Variants in TENM2 observed in about 807,000 individuals in gnomAD.
TENM2 encodes teneurin transmembrane protein 2.
TENM2 carries 52 observed loss-of-function variants against 245.2 expected under a neutral mutation model. The observed-to-expected ratio is 0.21, with a 90% CI of 0.17 to 0.27. The LOEUF (loss-of-function observed/expected upper bound fraction) is 0.27. Ranked by LOEUF, TENM2 falls within the 10% of genes least tolerant of loss-of-function variation. TENM2 has a pLI of 1.00. For synonymous variants in TENM2, 1,363 were observed against 1,438.9 expected (o/e 0.95, Z 1.19); for missense variants, 3,046 against 3,666.8 (o/e 0.83, Z 4.37).
Position 167,833,783 on chromosome 5 carries a change from A to T in TENM2, c.503-42203A>T, listed in dbSNP as rs544366419. On this transcript the variant is annotated intron_variant, in intron 2 of 28. Transcript: ENST00000518659. ...CATGGTGTGATCTCTAATCAGCCTC[A>T]GTAAGCAACAGAGTAAAGAAGGTTC... Among the ~76,000 whole-genome samples the T allele has an allele frequency of 2.6e-5, 4 of 152,342 alleles. No individual in the cohort carries two copies. The East Asian group carries it at 7.7e-4, about 29-fold the overall frequency.
intron 1 of TENM2, among the ~76,000 whole-genome samples, chr5:167,330,480 T>C (rs1331066544): frequency 6.6e-6 from 1 of 152,074 alleles, no homozygotes; most frequent in Admixed American, 6.5e-5. Flanking sequence ...CAACTGAATA[T>C]AAGGAAGAGC....
At chr5:167,598,387 A>G (rs1227201546) in intron 2 of TENM2, among the ~76,000 whole-genome samples, 1 of 152,118 alleles carries the variant, frequency 6.6e-6, no homozygotes, top group Non-Finnish European at 1.5e-5. Context: ...CCATTTTCCT[A>G]TTGCCATGGT....
At chr5:167,166,868 C>G in the TENM2 span, among the ~76,000 whole-genome samples, 1 of 152,154 alleles carries the variant, frequency 6.6e-6, no homozygotes, top group Non-Finnish European at 1.5e-5. Context: ...AGATATTTCT[C>G]AGGAATCTCA....
intron 2 of TENM2, among the ~76,000 whole-genome samples, chr5:167,652,364 C>T (rs569430398): frequency 3.9e-4 from 60 of 152,194 alleles, no homozygotes; most frequent in African/African-American, 1.4e-3. Context: ...TAATTTTGGG[C>T]TTATTCCTTG....
At chr5:167,108,444 G>T in the TENM2 span, among the ~76,000 whole-genome samples, 1 of 152,098 alleles carries the variant, frequency 6.6e-6, no homozygotes, top group Non-Finnish European at 1.5e-5. Flanking sequence ...TATTTTGAAT[G>T]CAAGGCTTAT....
chr5:167,349,191 G>A (rs905575050), intron 1 of TENM2, among the ~76,000 whole-genome samples: 3 of 152,124 alleles, frequency 2.0e-5, no homozygotes, highest in Non-Finnish European at 4.4e-5. Context: ...CTTCAGCTCC[G>A]GGCATCAACT....
chr5:168,094,121 G>T (rs192644455), intron 8 of TENM2, among the ~76,000 whole-genome samples: 1 of 149,214 alleles, frequency 6.7e-6, no homozygotes, highest in East Asian at 2.0e-4. Context: ...AGTTCAGATC[G>T]AGAGCTTGGT....
At chr5:166,987,421 GT>G in the TENM2 span, among the ~76,000 whole-genome samples, 3,027 of 21,594 alleles carry the variant, frequency 0.14, 35 homozygotes, top group Non-Finnish European at 0.29. Context: ...TTTAGTAAGG[GT>G]GTGTGTGTGT....
chr5:167,350,726 TAC>T (rs1252790100), intron 1 of TENM2, among the ~76,000 whole-genome samples: 22 of 73,292 alleles, frequency 3.0e-4, no homozygotes, highest in South Asian at 1.6e-3. Flanking sequence ...ATGGGATATA[TAC>T]ATATGGATAT....
chr5:167,397,159 G>A (rs1762100785), intron 2 of TENM2, among the ~76,000 whole-genome samples: 1 of 152,058 alleles, frequency 6.6e-6, no homozygotes, highest in Non-Finnish European at 1.5e-5. Context: ...ATTTATGTGT[G>A]TTTCCAAAGG....
At chr5:167,395,343 G>T (rs1483326312) in intron 2 of TENM2, among the ~76,000 whole-genome samples, 1 of 152,064 alleles carries the variant, frequency 6.6e-6, no homozygotes, top group Non-Finnish European at 1.5e-5. Context: ...TTTGTATCCT[G>T]CAACTTTACT....
At chr5:167,574,159 C>G (rs1322407473) in intron 2 of TENM2, 1 of 152,076 alleles carries the variant, frequency 6.6e-6, no homozygotes, top group Admixed American at 6.5e-5. Context: ...ATAGAAAGTA[C>G]CTGTATTAAT....
chr5:168,261,689 C>T (rs1012240090), intron 28 of TENM2, among the ~76,000 whole-genome samples: 1 of 152,238 alleles, frequency 6.6e-6, no homozygotes, highest in East Asian at 1.9e-4. Flanking sequence ...AGTTGCCAAC[C>T]ATCAGAGTAC....
chr5:168,042,124 T>G (rs574638766), intron 5 of TENM2, among the ~76,000 whole-genome samples: 2 of 152,274 alleles, frequency 1.3e-5, no homozygotes, highest in African/African-American at 4.8e-5. Context: ...CTACCTGGTC[T>G]CTGAATGAGC....
In TENM2 at chr5:167,385,372, AT is replaced by A. The variant is rs549731149; in HGVS notation, c.502+9907del. ...TTTTAATCAGACTTGAAAGAGATCT[AT>A]TTTTTTTCAAGCTTTCTGCTTGTCT... On this transcript the variant is annotated intron_variant, in intron 2 of 28. Coordinates refer to ENST00000518659, the Ensembl canonical transcript of TENM2. Among the ~76,000 whole-genome samples the A allele has an allele frequency of 3.1e-4, 44 of 140,394 alleles. No homozygotes were observed. In the South Asian group the frequency reaches 6.9e-3, roughly 22 times the overall value. 92.1% of individuals were successfully genotyped at this position (140,394 alleles called of 152,430 possible).
At chr5:167,081,376 T>G in the TENM2 span, among the ~76,000 whole-genome samples, 1 of 152,202 alleles carries the variant, frequency 6.6e-6, no homozygotes, top group African/African-American at 2.4e-5. Flanking sequence ...CTACTGAGTG[T>G]TCTTTGTGTG....
intron 2 of TENM2, among the ~76,000 whole-genome samples, chr5:167,621,150 A>G (rs1340439739): frequency 6.6e-6 from 1 of 152,174 alleles, no homozygotes; most frequent in Non-Finnish European, 1.5e-5. Flanking sequence ...AGCAAAGTCT[A>G]CAACATGAAA....
In TENM2 at chr5:167,533,169, G is replaced by A. The variant is rs573740966; in HGVS notation, c.502+157696G>A. 3.3e-5 allele frequency among the ~76,000 whole-genome samples: 5 copies of A among 152,242 alleles called. No individual in the cohort carries two copies. In the East Asian group the frequency reaches 5.8e-4, roughly 18 times the overall value. Reference sequence around the variant, plus strand: ...ACAGGAAAGCAGAAAAATTGAAATAGTGAAAGATAGTATGGCTTGGGTAAA... The same window carrying A: ...ACAGGAAAGCAGAAAAATTGAAATAATGAAAGATAGTATGGCTTGGGTAAA... On this transcript the variant is annotated intron_variant, in intron 2 of 28. Transcript: ENST00000518659.
chr5:167,958,405 A>T (rs1340617685), intron 4 of TENM2, among the ~76,000 whole-genome samples: 1 of 152,156 alleles, frequency 6.6e-6, no homozygotes, highest in Admixed American at 6.5e-5. Context: ...TGAATACAGC[A>T]CACTGATGGG....
Sources: gnomAD v4.1 joint callset for allele counts (sites outside exome capture counted in the v4.1 genomes callset) on GRCh38, gnomAD v4.1.1 for gene constraint, MANE v1.5 for transcripts, NCBI Gene and HGNC (gene_info 2026-07-23, HGNC 2026-07-21) for gene names.